MEIG1: variants seen among roughly 807,000 people sequenced by gnomAD.
The protein encoded by MEIG1 is meiosis/spermiogenesis associated 1.
A neutral mutation model predicts 11.3 loss-of-function variants in MEIG1; 12 were observed. The observed-to-expected ratio is 1.07, with a 90% CI of 0.68 to 1.73. The LOEUF (loss-of-function observed/expected upper bound fraction) is 1.73, where lower values mean the gene tolerates loss of function less well. Ranked by LOEUF, MEIG1 falls within the 40% of genes most tolerant of loss-of-function variation. The pLI is 0.00. For synonymous variants in MEIG1, 41 were observed against 33.2 expected, an observed-to-expected ratio of 1.24 and a Z score of -0.81; for missense variants, 119 against 104.9, an observed-to-expected ratio of 1.13 and a Z score of -0.59.
chr10:14,954,481 CCTCT>C (rs569522428), upstream of MEIG1: 47 of 268,332 alleles, frequency 1.8e-4, no homozygotes, highest in African/African-American at 9.6e-4. Context: ...AGTTCCCCGC[CCTCT>C]CTCTTCTGTT....
chr10:14,955,300 T>A (rs532945318), upstream of MEIG1, among the ~76,000 whole-genome samples: 1 of 152,172 alleles, frequency 6.6e-6, no homozygotes, highest in Non-Finnish European at 1.5e-5. Context: ...TCAATCTATC[T>A]GGCGACAACA....
intron 2 of MEIG1, among the ~76,000 whole-genome samples, chr10:14,969,734 G>C (rs1198800481): frequency 6.6e-6 from 1 of 152,266 alleles, no homozygotes; most frequent in East Asian, 1.9e-4. Flanking sequence ...TACTAGGGAG[G>C]CTGAGGCAGG....
chr10:14,975,986 G>A (rs1381302608), downstream of MEIG1, among the ~76,000 whole-genome samples: 5 of 152,150 alleles, frequency 3.3e-5, no homozygotes, highest in South Asian at 2.1e-4. Context: ...CAGAGGCAGA[G>A]AAGATATTAC....
chr10:14,957,670 T>C (rs187900169), upstream of MEIG1, among the ~76,000 whole-genome samples: 274 of 152,290 alleles, frequency 1.8e-3, no homozygotes, highest in Middle Eastern at 6.8e-3. Context: ...AGTCTCCCTC[T>C]ATGCCCAGGC....
At chr10:14,980,308 G>A (rs1843250922) in intron 1 of MEIG1, among the ~76,000 whole-genome samples, 2 of 152,048 alleles carry the variant, frequency 1.3e-5, no homozygotes, top group Non-Finnish European at 2.9e-5. Flanking sequence ...ATCCTGCGAT[G>A]TTATTCTTCG....
chr10:14,966,554 A>G lies in MEIG1; in HGVS notation c.86A>G (p.Gln29Arg), dbSNP rs1843086466. The G allele has an allele frequency of 6.2e-7, 1 of 1,612,512 alleles. No individual in the cohort carries two copies. The highest frequency in any genetic ancestry group is 1.7e-5 in the Admixed American group (1 of 59,736). ...ATAGAAAATCTGTACAGATTTCAACAAGCAGGATATCGGGATGAAACCGAA... is the reference window on the plus strand; with the variant it reads ...ATAGAAAATCTGTACAGATTTCAACGAGCAGGATATCGGGATGAAACCGAA... Reference protein sequence around the residue: ...EEIENLYRFQQAGYRDETEYR... With the variant: ...EEIENLYRFQRAGYRDETEYR... Residue 29 changes from glutamine (Q) to arginine (R), a missense_variant, in exon 2 of 3, where the codon CAA becomes CGA. Transcript: ENST00000407572.
rs760291063 is a variant in MEIG1, at chr10:14,972,506, T to G, written c.139-7T>G. 6 of 1,613,908 alleles carry G rather than the reference T, an allele frequency of 3.7e-6. No homozygotes were observed. In the South Asian group the frequency reaches 5.5e-5, roughly 15 times the overall value. On this transcript the variant is annotated splice_region_variant and splice_polypyrimidine_tract_variant and intron_variant, in intron 2 of 2. Transcript: ENST00000407572. ...GTAACGTTTGTACTCTGGTTCTTGA[T>G]GTGCAGGTAGATCGTTGGCCGGAGA... is the stretch of plus-strand genomic sequence containing the variant.
intron 1 of MEIG1, among the ~76,000 whole-genome samples, chr10:14,964,818 G>T (rs1288330056): frequency 6.8e-6 from 1 of 147,504 alleles, no homozygotes; most frequent in African/African-American, 2.5e-5. Flanking sequence ...AAGGAGTTTC[G>T]CTCATGTTGC....
downstream of MEIG1, among the ~76,000 whole-genome samples, chr10:14,976,293 A>C (rs1051575415): frequency 1.3e-5 from 2 of 151,528 alleles, no homozygotes; most frequent in Admixed American, 1.3e-4. Flanking sequence ...ATTACATATT[A>C]TTCATCGGGG....
At chr10:14,973,359 G>T (rs772275638), downstream of MEIG1, among the ~76,000 whole-genome samples, 5 of 152,176 alleles carry the variant, frequency 3.3e-5, no homozygotes, top group Admixed American at 6.5e-5. Flanking sequence ...GTGGCCCAAG[G>T]TCTTTCTCTT....
At chr10:14,957,884 G>T (rs1842967699), upstream of MEIG1, among the ~76,000 whole-genome samples, 1 of 152,154 alleles carries the variant, frequency 6.6e-6, no homozygotes, top group Non-Finnish European at 1.5e-5. Context: ...CTGACCTCGT[G>T]ATCTGCCCAC....
intron 1 of MEIG1, among the ~76,000 whole-genome samples, chr10:14,978,017 T>C (rs1230106802): frequency 6.6e-6 from 1 of 151,856 alleles, no homozygotes; most frequent in Non-Finnish European, 1.5e-5. Context: ...TGTTCTATTA[T>C]TGTAATATTC....
At chr10:14,986,900 C>T in exon 2 of MEIG1, 1 of 544,092 alleles carries the variant, frequency 1.8e-6, no homozygotes. Flanking sequence ...GGGTCACAGA[C>T]AAAATGAGAG....
chr10:14,966,768 T>C (rs1469143984), intron 2 of MEIG1, among the ~76,000 whole-genome samples, 162 bp downstream of exon 2: 4 of 152,222 alleles, frequency 2.6e-5, no homozygotes, highest in Middle Eastern at 3.4e-3. Flanking sequence ...TGAGACAGAG[T>C]CTCATTCTGT....
At chr10:14,986,809 C>T in exon 2 of MEIG1, 1 of 354,260 alleles carries the variant, frequency 2.8e-6, no homozygotes, top group Non-Finnish European at 5.5e-6. Context: ...CGGGGTTTCA[C>T]CATGTTGGCC....
At chr10:14,973,276 G>A (rs1843172794), downstream of MEIG1, among the ~76,000 whole-genome samples, 1 of 152,136 alleles carries the variant, frequency 6.6e-6, no homozygotes, top group Admixed American at 6.5e-5. Flanking sequence ...TAGTCTTAGT[G>A]CTCCACCTAT....
At chr10:14,964,091 C>A (rs1424487379) in intron 1 of MEIG1, among the ~76,000 whole-genome samples, 1 of 100,964 alleles carries the variant, frequency 9.9e-6, no homozygotes, top group East Asian at 2.3e-4. Flanking sequence ...AGCGAGACTC[C>A]GTCTCAAAAA....
chr10:14,986,865 C>T, exon 2 of MEIG1: 1 of 433,494 alleles, frequency 2.3e-6, no homozygotes. Flanking sequence ...AGCGACTCAG[C>T]CTCCCAGAGT....
At chr10:14,985,410 G>C (rs1270268389) in intron 1 of MEIG1, among the ~76,000 whole-genome samples, 1 of 152,034 alleles carries the variant, frequency 6.6e-6, no homozygotes, top group Non-Finnish European at 1.5e-5. Flanking sequence ...GATATGATCG[G>C]TTATATCCTT....
Sources: gnomAD v4.1 joint callset for allele counts (sites outside exome capture counted in the v4.1 genomes callset) on GRCh38, gnomAD v4.1.1 for gene constraint, MANE v1.5 for transcripts, NCBI Gene and HGNC (gene_info 2026-07-23, HGNC 2026-07-21) for gene names.